The following ARHGAP26 variants were observed in gnomAD, a reference collection of about 807,000 sequenced individuals.
The protein encoded by ARHGAP26 is rho GTPase-activating protein 26.
A neutral mutation model predicts 104.8 loss-of-function variants in ARHGAP26; 38 were observed. That is an observed-to-expected ratio of 0.36 (90% CI 0.28 to 0.48). ARHGAP26 has a LOEUF of 0.48. Ranked by LOEUF, ARHGAP26 falls within the 20% of genes least tolerant of loss-of-function variation. The probability of loss-of-function intolerance (pLI) is 0.99; values close to 1 mark genes in which losing one functional copy is unlikely to be tolerated. For missense variants in ARHGAP26, 704 were observed against 947.9 expected, an observed-to-expected ratio of 0.74 and a Z score of 3.38; for synonymous variants, 341 against 340.0, an observed-to-expected ratio of 1.00 and a Z score of -0.03.
chr5:142,773,147 A>G (rs1561814742), intron 1 of ARHGAP26, among the ~76,000 whole-genome samples: 1 of 152,176 alleles, frequency 6.6e-6, no homozygotes, highest in Admixed American at 6.5e-5. Context: ...TTCCGATATC[A>G]TGAGATGCTT....
At chr5:142,937,987 AAGT>A (rs1765692372) in intron 11 of ARHGAP26, among the ~76,000 whole-genome samples, 1 of 152,136 alleles carries the variant, frequency 6.6e-6, no homozygotes. Flanking sequence ...AACCATATTA[AAGT>A]AGTTATGAGA....
chr5:143,195,823 T>G (rs1034775509), intron 20 of ARHGAP26, among the ~76,000 whole-genome samples: 3 of 151,876 alleles, frequency 2.0e-5, no homozygotes, highest in African/African-American at 4.8e-5. Context: ...TTTTTTTTTT[T>G]GTAATATTTA....
chr5:143,162,725 A>G (rs1408513481), intron 20 of ARHGAP26, among the ~76,000 whole-genome samples: 1 of 152,166 alleles, frequency 6.6e-6, no homozygotes, highest in Non-Finnish European at 1.5e-5. Flanking sequence ...AATATTTGCT[A>G]CTGTAGCCTA....
chr5:142,913,285 A>G lies in ARHGAP26; in HGVS notation c.1020A>G (p.Ala340=). ...AGAGGTTTTGCTTTGATGTGGAAGC[A>G]GTAGACAGGTGAGTAGCTAGCATGC... ...IEKRFCFDVE[A]VDRPGVITMQ... The change falls in exon 10 of 23, where the codon GCA becomes GCG. Residue 340 remains alanine, a synonymous_variant. Coordinates refer to ENST00000645722, the MANE Select transcript of ARHGAP26 (RefSeq NM_001135608.3). 1.2e-6 allele frequency: 2 copies of G among 1,614,072 alleles called. No homozygotes were observed. Among genetic ancestry groups the G allele is most frequent in the South Asian group, 1.1e-5 (1 of 91,086 alleles).
At chr5:142,830,507 A>G (rs1373435923) in intron 1 of ARHGAP26, among the ~76,000 whole-genome samples, 2 of 152,264 alleles carry the variant, frequency 1.3e-5, no homozygotes, top group East Asian at 3.9e-4. Flanking sequence ...TTTTTCCATA[A>G]TTGTGATGAC....
chr5:143,070,450 G>A (rs935915495), intron 17 of ARHGAP26, among the ~76,000 whole-genome samples: 5 of 152,162 alleles, frequency 3.3e-5, no homozygotes, highest in Admixed American at 2.6e-4. Context: ...TAACTAAGAC[G>A]ATTGAAAACT....
intron 1 of ARHGAP26, among the ~76,000 whole-genome samples, chr5:142,864,207 T>TAA (rs1446027188): frequency 6.6e-6 from 1 of 152,122 alleles, no homozygotes; most frequent in Non-Finnish European, 1.5e-5. Context: ...CTGTGAACGC[T>TAA]GTCAGTCTCT....
intron 19 of ARHGAP26, among the ~76,000 whole-genome samples, chr5:143,135,720 T>G (rs1797837857): frequency 6.6e-6 from 1 of 152,240 alleles, no homozygotes; most frequent in Non-Finnish European, 1.5e-5. Flanking sequence ...AACATCCTTG[T>G]AACTAAATCT....
At chr5:142,794,598 A>G (rs1250202948) in intron 1 of ARHGAP26, among the ~76,000 whole-genome samples, 1 of 152,180 alleles carries the variant, frequency 6.6e-6, no homozygotes, top group Non-Finnish European at 1.5e-5. Flanking sequence ...TTTTAGTATT[A>G]GGCACCACCA....
chr5:143,079,114 C>T (rs922649873), intron 17 of ARHGAP26, among the ~76,000 whole-genome samples: 1 of 152,222 alleles, frequency 6.6e-6, no homozygotes, highest in African/African-American at 2.4e-5. Flanking sequence ...CCTGTCTCTC[C>T]CTCCTTTAAC....
intron 1 of ARHGAP26, among the ~76,000 whole-genome samples, chr5:142,806,473 ATGTGTGTGTGTGTGTGTGTG>A (rs34179083): frequency 6.8e-6 from 1 of 147,670 alleles, no homozygotes; most frequent in Non-Finnish European, 1.5e-5. Flanking sequence ...AGGCAATGAA[ATGTGTGTGTGTGTGTGTGTG>A]TGTGTGTGTG....
chr5:143,005,093 A>G (rs958163268), intron 11 of ARHGAP26, among the ~76,000 whole-genome samples: 1 of 152,230 alleles, frequency 6.6e-6, no homozygotes, highest in African/African-American at 2.4e-5. Context: ...ACTTAAAAAA[A>G]AAATTACCAC....
At chr5:143,014,035 G>T in intron 11 of ARHGAP26, 45 bp from the exon 12 acceptor site, 1 of 1,589,184 alleles carries the variant, frequency 6.3e-7, no homozygotes, top group Non-Finnish European at 8.6e-7. Flanking sequence ...AACCTATAGG[G>T]TGGCATAAAA....
chr5:143,024,186 T>A (rs1020883126), intron 12 of ARHGAP26, among the ~76,000 whole-genome samples: 11 of 152,198 alleles, frequency 7.2e-5, no homozygotes, highest in African/African-American at 2.7e-4. Flanking sequence ...TATTTTATTA[T>A]TTGAGTTCCC....
At chr5:143,214,111 A>T in intron 22 of ARHGAP26, 23 bp downstream of exon 22, 1 of 451,046 alleles carries the variant, frequency 2.2e-6, no homozygotes, top group Non-Finnish European at 4.4e-6. Context: ...TCCCCTCACA[A>T]AGATATGGGC....
chr5:143,058,242 CTA>C (rs1323495875), intron 17 of ARHGAP26: 1 of 340,770 alleles, frequency 2.9e-6, no homozygotes, highest in Non-Finnish European at 5.6e-6. Context: ...CCCCATCTGT[CTA>C]ATATGGATAA....
At chr5:143,191,499 A>C (rs1463038862) in intron 20 of ARHGAP26, among the ~76,000 whole-genome samples, 2 of 152,238 alleles carry the variant, frequency 1.3e-5, no homozygotes, top group Admixed American at 6.5e-5. Flanking sequence ...GAGATAGCTG[A>C]AATAGCTTTA....
intron 14 of ARHGAP26, among the ~76,000 whole-genome samples, chr5:143,046,775 G>T (rs940727036): frequency 6.6e-6 from 1 of 151,946 alleles, no homozygotes; most frequent in Non-Finnish European, 1.5e-5. Context: ...CTGTCTCTCC[G>T]TACATATTTT....
At chr5:143,189,631 G>T (rs1312676498) in intron 20 of ARHGAP26, among the ~76,000 whole-genome samples, 1 of 152,044 alleles carries the variant, frequency 6.6e-6, no homozygotes, top group African/African-American at 2.4e-5. Context: ...ATAAGTGTTT[G>T]TTTTTATTTA....
Sources: gnomAD v4.1 joint callset for allele counts (sites outside exome capture counted in the v4.1 genomes callset) on GRCh38, gnomAD v4.1.1 for gene constraint, MANE v1.5 for transcripts, NCBI Gene and HGNC (gene_info 2026-07-23, HGNC 2026-07-21) for gene names.